Variants in COL6A5 observed in about 807,000 individuals in gnomAD.
COL6A5 encodes the protein collagen alpha-5(VI) chain.
Under a neutral mutation model 65.6 loss-of-function variants are expected in COL6A5, and 48 were observed. The ratio of observed to expected loss-of-function variants is 0.73; its 90% CI spans 0.58 to 0.93. The LOEUF (loss-of-function observed/expected upper bound fraction) is 0.93. COL6A5 is among the 40% of genes least tolerant of loss of function. The pLI, the probability that COL6A5 is intolerant of heterozygous loss-of-function variation, is 0.00. For missense variants in COL6A5, 914 were observed against 928.3 expected (o/e 0.98, Z 0.20); for synonymous variants, 291 against 322.8 (o/e 0.90, Z 1.05).
intron 1 of COL6A5, among the ~76,000 whole-genome samples, chr3:130,365,388 C>T (rs1232826499): frequency 1.3e-5 from 2 of 152,202 alleles, no homozygotes; most frequent in Non-Finnish European, 2.9e-5. Flanking sequence ...CGCTATTCTC[C>T]TGTCTCAGCC....
chr3:130,439,661 C>A, intron 2 of COL6A5, 46 bp downstream of exon 34: 1 of 1,257,908 alleles, frequency 7.9e-7, no homozygotes, highest in Non-Finnish European at 1.1e-6. Context: ...GCTTAAATGC[C>A]TTCTAGATGA....
In COL6A5 at chr3:130,379,684, T is replaced by C. The variant is rs1243290452; in HGVS notation, c.934T>C (p.Ser312Pro). ...GAATCTTTCTATCCAAGTTGGGAAA[T>C]CCAATACAGGGGCTGCCATTGATCA... is the stretch of plus-strand genomic sequence containing the variant. Residue 312 changes from serine to proline, a missense_variant and NMD_transcript_variant, in exon 4 of 42, where the codon TCC becomes CCC. Transcript: ENST00000312481. 3.2e-6 allele frequency: 5 copies of C among 1,551,422 alleles called. No individual in the cohort carries two copies. The South Asian group carries it at 5.9e-5, about 18-fold the overall frequency.
chr3:130,406,999 T>A (rs1180345134), intron 17 of COL6A5, among the ~76,000 whole-genome samples: 5 of 152,142 alleles, frequency 3.3e-5, no homozygotes, highest in Admixed American at 2.0e-4. Context: ...ATCAATAGAA[T>A]TACATAAAAT....
In COL6A5 at chr3:130,394,887, C is replaced by T. The variant is rs1314362683; in HGVS notation, c.2993-3C>T. 1.3e-6 allele frequency: 2 copies of T among 1,539,176 alleles called. No homozygotes were observed. Among genetic ancestry groups the T allele is most frequent in the Non-Finnish European group, 1.8e-6 (2 of 1,142,068 alleles). ...AAATAATTTATTCTTTTTTCTATTGCAGTCTGTCATCTTCAGGAAGCTGAC... is the reference window on the plus strand; with the variant it reads ...AAATAATTTATTCTTTTTTCTATTGTAGTCTGTCATCTTCAGGAAGCTGAC... On this transcript the variant is annotated splice_region_variant and splice_polypyrimidine_tract_variant and intron_variant and NMD_transcript_variant, in intron 7 of 41. Transcript: ENST00000312481.
chr3:130,385,366 T>C lies in COL6A5; in HGVS notation c.1861+2T>C, dbSNP rs1223532571. On this transcript the variant is annotated splice_donor_variant and NMD_transcript_variant, in intron 5 of 41. Coordinates refer to the COL6A5 transcript ENST00000312481. ...TTCGTGAAATCTGCGCTGAAAAAGG[T>C]AAGCAACACAAAAAAGGCTTTATTC... 1.3e-6 allele frequency: 2 copies of C among 1,546,102 alleles called. No individual in the cohort carries two copies. The highest frequency in any genetic ancestry group is 1.7e-6 in the Non-Finnish European group (2 of 1,144,732).
intron 10 of COL6A5, among the ~76,000 whole-genome samples, chr3:130,398,465 C>G (rs558856273): frequency 2.5e-4 from 38 of 152,256 alleles, no homozygotes; most frequent in African/African-American, 8.9e-4. Flanking sequence ...ATGGAATATG[C>G]TTAACAAGTC....
At chr3:130,479,223 T>C (rs1295510210) in intron 7 of COL6A5, among the ~76,000 whole-genome samples, 1 of 151,178 alleles carries the variant, frequency 6.6e-6, no homozygotes, top group African/African-American at 2.4e-5. Context: ...GAGAATTTAG[T>C]GAAAAGGCAC....
upstream of COL6A5, among the ~76,000 whole-genome samples, chr3:130,428,786 CAA>C (rs533466828): frequency 1.7e-3 from 258 of 152,290 alleles, no homozygotes; most frequent in African/African-American, 5.9e-3. Flanking sequence ...TTAAGACAAA[CAA>C]GAGGTGTTCA....
In COL6A5 at chr3:130,388,527, A is replaced by T. The variant is rs1374877989; in HGVS notation, c.1862-53A>T. The T allele has an allele frequency of 2.2e-6, 3 of 1,389,826 alleles. No homozygotes were observed. The East Asian group carries it at 7.5e-5, about 35-fold the overall frequency. 86.1% of individuals were successfully genotyped at this position (1,389,826 alleles called of 1,614,324 possible). On this transcript the variant is annotated intron_variant and NMD_transcript_variant, in intron 5 of 41. Transcript: ENST00000312481. ...TTTGTTTCTGCCTTAATGTTACTTC[A>T]TGAGAACCTTTCCAACCTGGTTATT... is the stretch of plus-strand genomic sequence containing the variant.
rs528613983 is a variant in COL6A5, at chr3:130,453,328, A to G, written c.1333-2127A>G. On this transcript the variant is annotated intron_variant, in intron 4 of 7. Coordinates refer to ENST00000512836, the Ensembl canonical transcript of COL6A5. ...ATTTGGGGAACTAATAAATGTCCAT[A>G]AAATCTTCACAATCCACGTTCTTCT... Among the ~76,000 whole-genome samples, 6 of 152,284 alleles carry G rather than the reference A, an allele frequency of 3.9e-5. No homozygotes were observed. In the East Asian group the frequency reaches 5.8e-4, roughly 15 times the overall value.
intron 7 of COL6A5, among the ~76,000 whole-genome samples, chr3:130,476,674 T>C (rs12107559): frequency 0.026 from 4,009 of 152,150 alleles, 188 homozygotes; most frequent in African/African-American, 0.09. Context: ...GGTTGAATCA[T>C]TCCTGTTAGA....
chr3:130,437,258 T>C (rs1311609372), intron 1 of COL6A5, among the ~76,000 whole-genome samples: 1 of 152,174 alleles, frequency 6.6e-6, no homozygotes, highest in Non-Finnish European at 1.5e-5. Flanking sequence ...TATTAGTACT[T>C]ATTGGTAAAT....
chr3:130,420,317 T>C (rs889350713), intron 25 of COL6A5, among the ~76,000 whole-genome samples: 1 of 152,102 alleles, frequency 6.6e-6, no homozygotes, highest in African/African-American at 2.4e-5. Flanking sequence ...CTCTAAACAA[T>C]GTATCGTGAG....
At chr3:130,431,856 A>G in exon 1 of COL6A5, 1 of 1,551,664 alleles carries the variant, frequency 6.4e-7, no homozygotes, top group South Asian at 1.2e-5. Flanking sequence ...CCAGTAGGTC[A>G]TCCATCATCA....
chr3:130,460,774 G>C (rs1709685387), intron 5 of COL6A5, among the ~76,000 whole-genome samples: 1 of 151,802 alleles, frequency 6.6e-6, no homozygotes, highest in African/African-American at 2.4e-5. Context: ...GGTGGAGGTG[G>C]TGGTGATGGA....
chr3:130,421,473 G>A (rs1937516826), intron 27 of COL6A5, 113 bp downstream of exon 27: 1 of 995,876 alleles, frequency 1.0e-6, no homozygotes. Flanking sequence ...ACCAAGGACA[G>A]TTGTTTTCCT....
chr3:130,441,717 G>A (rs905873003), intron 3 of COL6A5, among the ~76,000 whole-genome samples: 1 of 152,098 alleles, frequency 6.6e-6, no homozygotes, highest in Non-Finnish European at 1.5e-5. Context: ...ACAACTTGGG[G>A]ATGCTACTAG....
chr3:130,420,495 T>C (rs958602828), intron 25 of COL6A5, among the ~76,000 whole-genome samples: 2 of 152,148 alleles, frequency 1.3e-5, no homozygotes, highest in African/African-American at 4.8e-5. Flanking sequence ...AACATTCATG[T>C]ACCTAACTAA....
intron 5 of COL6A5, among the ~76,000 whole-genome samples, chr3:130,456,071 C>T (rs971281831): frequency 7.9e-5 from 12 of 151,874 alleles, no homozygotes; most frequent in African/African-American, 2.4e-4. Flanking sequence ...CTTGGCTCAC[C>T]GCAACCTCCG....
Sources: allele counts gnomAD v4.1 joint callset (sites outside exome capture counted in the v4.1 genomes callset), GRCh38; gene constraint gnomAD v4.1.1; transcripts MANE v1.5; gene names NCBI Gene and HGNC (gene_info 2026-07-23, HGNC 2026-07-21).